The following TRMT11 variants were observed in gnomAD, a reference collection of about 807,000 sequenced individuals.
TRMT11 encodes tRNA (guanine(10)-N(2))-methyltransferase TRMT11.
TRMT11 carries 53 observed loss-of-function variants against 62.8 expected under a neutral mutation model. That is an observed-to-expected ratio of 0.84 (90% CI 0.68 to 1.06). TRMT11 has a LOEUF of 1.06. Ranked by LOEUF, TRMT11 falls within the 50% of genes least tolerant of loss-of-function variation. TRMT11 has a pLI of 0.00. For synonymous variants in TRMT11, 188 were observed against 190.3 expected (o/e 0.99, Z 0.10); for missense variants, 556 against 553.4 (o/e 1.00, Z -0.05).
the TRMT11 span, among the ~76,000 whole-genome samples, chr6:126,223,715 G>A: frequency 1.3e-5 from 2 of 152,164 alleles, no homozygotes; most frequent in African/African-American, 4.8e-5. Context: ...CTCTAGCAAG[G>A]TTGTGTAAAT....
At chr6:126,070,382 G>T (rs1015432955) in intron 17 of TRMT11, among the ~76,000 whole-genome samples, 6 of 151,946 alleles carry the variant, frequency 3.9e-5, no homozygotes, top group African/African-American at 1.5e-4. Context: ...CCATATACCT[G>T]GTACTCTCAC....
intron 21 of TRMT11, among the ~76,000 whole-genome samples, chr6:126,148,702 A>G (rs1778002804): frequency 6.6e-6 from 1 of 152,196 alleles, no homozygotes; most frequent in South Asian, 2.1e-4. Context: ...AGTAAAAACT[A>G]AAAGAGAGTC....
At chr6:126,109,109 C>T (rs543656392) in intron 17 of TRMT11, among the ~76,000 whole-genome samples, 19 of 152,160 alleles carry the variant, frequency 1.2e-4, no homozygotes, top group Admixed American at 1.2e-3. Context: ...TGCTCAAATA[C>T]TTTGGTGTGT....
chr6:126,144,849 A>G (rs1777956839), intron 21 of TRMT11, among the ~76,000 whole-genome samples: 2 of 152,200 alleles, frequency 1.3e-5, no homozygotes, highest in Non-Finnish European at 2.9e-5. Context: ...CCAAATTCCT[A>G]CAGAGAGATT....
At chr6:126,225,146 T>C in the TRMT11 span, among the ~76,000 whole-genome samples, 1 of 152,170 alleles carries the variant, frequency 6.6e-6, no homozygotes, top group East Asian at 1.9e-4. Context: ...CTTTGAGAGA[T>C]GGGCATTTTT....
chr6:125,994,788 C>G (rs1791209219), intron 2 of TRMT11, among the ~76,000 whole-genome samples: 1 of 152,192 alleles, frequency 6.6e-6, no homozygotes, highest in Non-Finnish European at 1.5e-5. Flanking sequence ...ATCATGCATA[C>G]TGTGCAGCCA....
chr6:126,064,149 A>G (rs1481424454), intron 17 of TRMT11, among the ~76,000 whole-genome samples: 1 of 150,460 alleles, frequency 6.6e-6, no homozygotes, highest in South Asian at 2.1e-4. Context: ...GAGGGAGAAG[A>G]TGGGGGTGAG....
At chr6:126,076,084 G>A (rs1273928107) in intron 17 of TRMT11, among the ~76,000 whole-genome samples, 2 of 150,236 alleles carry the variant, frequency 1.3e-5, no homozygotes, top group South Asian at 4.3e-4. Context: ...TCTACTTAGT[G>A]TGCTATTAAG....
At chr6:126,093,631 A>ATATATATATTTTTTTTT (rs1554236842) in intron 17 of TRMT11, among the ~76,000 whole-genome samples, 1 of 98,016 alleles carries the variant, frequency 1.0e-5, no homozygotes, top group Admixed American at 1.2e-4. Context: ...ATATATATAT[A>ATATATATATTTTTTTTT]TTTTCCCCCA....
At chr6:126,147,943 T>C (rs1193050712) in intron 21 of TRMT11, among the ~76,000 whole-genome samples, 1 of 152,030 alleles carries the variant, frequency 6.6e-6, no homozygotes. Flanking sequence ...AAATACCTAA[T>C]GTAGATGACG....
Position 126,115,116 on chromosome 6 carries a change from AATACCCACCT to A in TRMT11, c.*1562-228_*1562-219del, listed in dbSNP as rs546930372. ...TAAGGGACTGTACTAACATAGCCTA[AATACCCACCT>A]TCCAGCCACCCTTCAGGAGGGTATT... On this transcript the variant is annotated intron_variant and NMD_transcript_variant, in intron 19 of 22. Transcript: ENST00000648977. Among the ~76,000 whole-genome samples the A allele has an allele frequency of 1.1e-4, 17 of 152,166 alleles. 1 individual carries two copies. In the East Asian group the frequency reaches 3.3e-3, roughly 29 times the overall value.
intron 17 of TRMT11, among the ~76,000 whole-genome samples, chr6:126,072,030 A>G (rs948894456): frequency 1.3e-5 from 2 of 152,174 alleles, no homozygotes; most frequent in Non-Finnish European, 2.9e-5. Context: ...AGTGCTAACT[A>G]GCTGTGTGAC....
At chr6:126,235,880 A>G in the TRMT11 span, among the ~76,000 whole-genome samples, 1 of 152,258 alleles carries the variant, frequency 6.6e-6, no homozygotes, top group East Asian at 1.9e-4. Flanking sequence ...AAATAAAAAA[A>G]CAGAAAATAT....
intron 12 of TRMT11, among the ~76,000 whole-genome samples, chr6:126,021,880 T>C (rs1280101828): frequency 6.6e-6 from 1 of 152,118 alleles, no homozygotes; most frequent in Non-Finnish European, 1.5e-5. Flanking sequence ...ACATGAATAG[T>C]GCCTCATAAT....
At chr6:126,243,101 G>A in the TRMT11 span, among the ~76,000 whole-genome samples, 2 of 151,818 alleles carry the variant, frequency 1.3e-5, no homozygotes, top group African/African-American at 2.4e-5. Context: ...AAAATCAAAC[G>A]ACCCCATCAA....
chr6:125,993,436 A>G (rs1238195841), intron 1 of TRMT11, among the ~76,000 whole-genome samples: 2 of 152,234 alleles, frequency 1.3e-5, no homozygotes, highest in East Asian at 3.9e-4. Context: ...TTTCATTTTA[A>G]CTTTATTCAT....
intron 2 of TRMT11, 31 bp from the exon 3 acceptor site, chr6:125,995,936 G>T: frequency 7.2e-7 from 1 of 1,379,962 alleles, no homozygotes; most frequent in Non-Finnish European, 1.0e-6. Context: ...TAGCCACTTA[G>T]AATTAAGTTG....
rs1053922107 is a variant in TRMT11, at chr6:126,045,149, C to G, written c.*1369+4304C>G. Among the ~76,000 whole-genome samples, 4 of 151,278 alleles carry G rather than the reference C, an allele frequency of 2.6e-5. No homozygotes were observed. In the South Asian group the frequency reaches 8.3e-4, roughly 31 times the overall value. The stretch of plus-strand genomic sequence containing the variant: ...ATTGCAGTGAGCTGAGATTACACCA[C>G]TGCACTCCAGCCTGGGTGACAGAGC... On this transcript the variant is annotated intron_variant and NMD_transcript_variant, in intron 16 of 22. Coordinates refer to the TRMT11 transcript ENST00000648977.
intron 21 of TRMT11, among the ~76,000 whole-genome samples, chr6:126,117,236 A>G (rs1777599961): frequency 6.6e-6 from 1 of 152,124 alleles, no homozygotes; most frequent in Non-Finnish European, 1.5e-5. Flanking sequence ...CCTGGTCTCC[A>G]ATGAGATCTT....
Sources: gnomAD v4.1 joint callset for allele counts (sites outside exome capture counted in the v4.1 genomes callset) on GRCh38, gnomAD v4.1.1 for gene constraint, MANE v1.5 for transcripts, NCBI Gene and HGNC (gene_info 2026-07-23, HGNC 2026-07-21) for gene names.